PRH1: variants seen among roughly 807,000 people sequenced by gnomAD.
The protein encoded by PRH1 is proline rich protein HaeIII subfamily 1, also known as salivary acidic proline-rich phosphoprotein 1/2.
Under a neutral mutation model 7.9 loss-of-function variants are expected in PRH1, and 7 were observed. That is an observed-to-expected ratio of 0.89 (90% CI 0.50 to 1.67). The LOEUF is 1.67. Ranked by LOEUF, PRH1 falls within the 40% of genes most tolerant of loss-of-function variation. The pLI, the probability that PRH1 is intolerant of heterozygous loss-of-function variation, is 0.00. For synonymous variants in PRH1, 45 were observed against 80.8 expected (o/e 0.56, Z 2.38); for missense variants, 109 against 223.6 (o/e 0.49, Z 3.27).
intron 1 of PRH1, among the ~76,000 whole-genome samples, chr12:11,104,198 AAAAAAG>A (rs1276185692): frequency 6.6e-6 from 1 of 151,496 alleles, no homozygotes; most frequent in Non-Finnish European, 1.5e-5. Flanking sequence ...AAAAAAAAAA[AAAAAAG>A]GAAGAAAATA....
intron 1 of PRH1, among the ~76,000 whole-genome samples, chr12:11,160,440 T>A (rs971254610): frequency 3.0e-4 from 46 of 151,434 alleles, no homozygotes; most frequent in Non-Finnish European, 6.0e-4. Flanking sequence ...TTAGGGACAT[T>A]CAGTTTGAAC....
chr12:11,154,543 C>T (rs555053790), intron 1 of PRH1, among the ~76,000 whole-genome samples: 2 of 152,128 alleles, frequency 1.3e-5, no homozygotes, highest in Non-Finnish European at 2.9e-5. Context: ...TTCCTCTGAG[C>T]TCTAGGGGAG....
chr12:10,888,177 T>G (rs1482321971), upstream of PRH1, among the ~76,000 whole-genome samples: 1 of 152,190 alleles, frequency 6.6e-6, no homozygotes, highest in African/African-American at 2.4e-5. Flanking sequence ...TCTGCCTCCC[T>G]CTTCTGCAGT....
chr12:10,891,332 A>C (rs183758251), intron 2 of PRH1: 4 of 152,278 alleles, frequency 2.6e-5, no homozygotes, highest in African/African-American at 9.6e-5. Flanking sequence ...GGAGATCTTT[A>C]ATCTGTCTAC....
At chr12:10,941,041 T>TA (rs776912003) in intron 2 of PRH1, among the ~76,000 whole-genome samples, 3 of 152,084 alleles carry the variant, frequency 2.0e-5, no homozygotes, top group Non-Finnish European at 4.4e-5. Flanking sequence ...ACTATCCACA[T>TA]AGAGACAAGA....
At chr12:11,171,265 A>T in intron 1 of PRH1, 2 of 848,746 alleles carry the variant, frequency 2.4e-6, no homozygotes, top group Non-Finnish European at 3.1e-6. Context: ...CGCTTTGCTT[A>T]CCGTCCTGCC....
chr12:10,931,531 T>G (rs964240993), intron 2 of PRH1, among the ~76,000 whole-genome samples: 20 of 152,190 alleles, frequency 1.3e-4, no homozygotes, highest in African/African-American at 4.8e-4. Context: ...AAAACACATT[T>G]CACATTTAAA....
intron 1 of PRH1, among the ~76,000 whole-genome samples, chr12:11,083,901 G>A (rs77371013): frequency 0.39 from 31,655 of 80,346 alleles, 6,125 homozygotes; most frequent in Non-Finnish European, 0.48. Flanking sequence ...TTTTATTTAT[G>A]TTCTTTGTAA....
At chr12:11,073,468 C>T (rs1281313779) in intron 1 of PRH1, among the ~76,000 whole-genome samples, 1 of 148,502 alleles carries the variant, frequency 6.7e-6, no homozygotes, top group Non-Finnish European at 1.5e-5. Flanking sequence ...GCCTGTTGCC[C>T]TATAAATACT....
chr12:11,155,701 C>T (rs927731734), intron 1 of PRH1, among the ~76,000 whole-genome samples: 10 of 151,984 alleles, frequency 6.6e-5, no homozygotes, highest in Admixed American at 2.0e-4. Context: ...CTTTCAATTT[C>T]TCTATATTGT....
At chr12:11,168,887 A>C (rs925419484) in intron 1 of PRH1, among the ~76,000 whole-genome samples, 38 of 152,258 alleles carry the variant, frequency 2.5e-4, no homozygotes, top group African/African-American at 8.9e-4. Flanking sequence ...ATGGCTGAGA[A>C]AAATTAGCTA....
chr12:11,083,372 T>TC (rs137922007), intron 1 of PRH1, among the ~76,000 whole-genome samples: 2 of 103,650 alleles, frequency 1.9e-5, no homozygotes, highest in South Asian at 2.9e-4. Flanking sequence ...TTTAAAATTT[T>TC]TCTTGGATTT....
intron 1 of PRH1, among the ~76,000 whole-genome samples, chr12:11,012,830 T>G (rs890058087): frequency 1.3e-5 from 2 of 152,134 alleles, no homozygotes; most frequent in African/African-American, 2.4e-5. Context: ...AATGCTTGGA[T>G]ACAGGCGTGA....
chr12:11,069,102 G>A (rs1943950023), intron 1 of PRH1, among the ~76,000 whole-genome samples: 1 of 148,856 alleles, frequency 6.7e-6, no homozygotes, highest in Admixed American at 6.8e-5. Flanking sequence ...ATTTTTGCTA[G>A]AGACTGGGTT....
At chr12:10,945,447 T>A (rs1032107987) in intron 2 of PRH1, among the ~76,000 whole-genome samples, 9 of 152,114 alleles carry the variant, frequency 5.9e-5, no homozygotes, top group Admixed American at 1.3e-4. Context: ...TGATGCCCCC[T>A]AAGCCATAAA....
intron 1 of PRH1, among the ~76,000 whole-genome samples, chr12:11,073,682 C>G (rs1944178591): frequency 6.6e-6 from 1 of 151,970 alleles, no homozygotes; most frequent in Admixed American, 6.6e-5. Context: ...GAATCCAGAA[C>G]ATAAGATATC....
intron 2 of PRH1, among the ~76,000 whole-genome samples, chr12:10,962,820 A>G (rs1419902389): frequency 2.6e-5 from 4 of 152,182 alleles, no homozygotes; most frequent in Admixed American, 2.0e-4. Context: ...CCCAGGCTGG[A>G]GTGCAGTGGC....
chr12:11,079,662 T>C (rs111988253), intron 1 of PRH1, among the ~76,000 whole-genome samples: 3,152 of 56,570 alleles, frequency 0.056, 73 homozygotes, highest in Non-Finnish European at 0.084. Context: ...AATTCAGGAT[T>C]CAAGGGAAAA....
chr12:11,015,588 T>C (rs1449725405), intron 1 of PRH1, among the ~76,000 whole-genome samples: 1 of 152,144 alleles, frequency 6.6e-6, no homozygotes, highest in Non-Finnish European at 1.5e-5. Flanking sequence ...AACAGTAATA[T>C]CTGGGTACTC....
Sources: gnomAD v4.1 joint callset for allele counts (sites outside exome capture counted in the v4.1 genomes callset) on GRCh38, gnomAD v4.1.1 for gene constraint, MANE v1.5 for transcripts, NCBI Gene and HGNC (gene_info 2026-07-23, HGNC 2026-07-21) for gene names.